CADM2: variants seen among roughly 807,000 people sequenced by gnomAD.
CADM2 encodes the protein cell adhesion molecule 2, also known as immunoglobulin superfamily member 4D.
Under a neutral mutation model 49.8 loss-of-function variants are expected in CADM2, and 12 were observed. The ratio of observed to expected loss-of-function variants is 0.24; its 90% CI spans 0.15 to 0.39. The LOEUF (loss-of-function observed/expected upper bound fraction) is 0.39. Among genes scored for constraint, CADM2 ranks in the 10% least tolerant of loss-of-function variants. The probability of loss-of-function intolerance (pLI) is 1.00; values close to 1 mark genes in which losing one functional copy is unlikely to be tolerated. For missense variants in CADM2, 378 were observed against 492.3 expected (o/e 0.77, Z 2.20); for synonymous variants, 214 against 175.4 (o/e 1.22, Z -1.74).
intron 3 of CADM2, among the ~76,000 whole-genome samples, chr3:85,846,855 C>T (rs1194629107): frequency 1.3e-5 from 2 of 152,076 alleles, no homozygotes; most frequent in African/African-American, 2.4e-5. Context: ...GAGTAAGATA[C>T]CATGTCTAAA....
At chr3:86,033,679 A>G (rs918974426) in intron 8 of CADM2, among the ~76,000 whole-genome samples, 2 of 146,248 alleles carry the variant, frequency 1.4e-5, no homozygotes, top group South Asian at 4.2e-4. Context: ...ATGTATATAT[A>G]TATATATGAG....
intron 1 of CADM2, among the ~76,000 whole-genome samples, chr3:85,045,682 A>T (rs878927617): frequency 6.6e-6 from 1 of 152,104 alleles, no homozygotes. Flanking sequence ...AATCAAATAA[A>T]GGTGGGAAAC....
chr3:85,872,726 A>G (rs955612159), intron 3 of CADM2, among the ~76,000 whole-genome samples: 7 of 149,430 alleles, frequency 4.7e-5, no homozygotes, highest in Non-Finnish European at 1.0e-4. Context: ...TTTATACATT[A>G]TATATATATA....
intron 6 of CADM2, among the ~76,000 whole-genome samples, chr3:85,927,627 A>G (rs1038786329): frequency 3.3e-5 from 5 of 152,202 alleles, no homozygotes; most frequent in Admixed American, 2.0e-4. Context: ...AGACTGTAAT[A>G]TAAGCAATGC....
At chr3:85,074,249 A>G (rs1185923607) in intron 1 of CADM2, among the ~76,000 whole-genome samples, 2 of 151,914 alleles carry the variant, frequency 1.3e-5, no homozygotes, top group Non-Finnish European at 2.9e-5. Context: ...TTTGCCTACG[A>G]TGCTATTCGT....
At chr3:85,897,086 G>C (rs1437734246) in intron 5 of CADM2, among the ~76,000 whole-genome samples, 1 of 151,910 alleles carries the variant, frequency 6.6e-6, no homozygotes, top group Non-Finnish European at 1.5e-5. Flanking sequence ...AAAGGAAGGG[G>C]CTTCCTAAAG....
At position 85,936,090 on chromosome 3, in the gene CADM2, A is replaced by G. The variant is rs183144940; in HGVS notation, c.791+233A>G. Among the ~76,000 whole-genome samples, 3 of 150,986 alleles carry G rather than the reference A, an allele frequency of 2.0e-5. No individual in the cohort carries two copies. The East Asian group carries it at 5.8e-4, about 29-fold the overall frequency. Reference sequence around the variant, plus strand: ...ATTTCCAGCTGTTATTTCTTTTTGTATTTTTTCCAGTAAGATATTTTAACC... The same window carrying G: ...ATTTCCAGCTGTTATTTCTTTTTGTGTTTTTTCCAGTAAGATATTTTAACC... On this transcript the variant is annotated intron_variant, in intron 7 of 9. Transcript: ENST00000383699.
intron 1 of CADM2, among the ~76,000 whole-genome samples, chr3:85,428,550 T>A (rs1365181539): frequency 6.9e-6 from 1 of 145,574 alleles, no homozygotes; most frequent in African/African-American, 2.5e-5. Context: ...AAATAAATAA[T>A]ATATATGATA....
At chr3:85,457,842 T>C (rs763184110) in intron 1 of CADM2, among the ~76,000 whole-genome samples, 2 of 152,186 alleles carry the variant, frequency 1.3e-5, no homozygotes, top group Non-Finnish European at 2.9e-5. Flanking sequence ...TTAATTGATT[T>C]TGGACACTTT....
intron 1 of CADM2, among the ~76,000 whole-genome samples, chr3:85,478,694 T>C (rs1047077000): frequency 3.9e-5 from 6 of 151,998 alleles, no homozygotes; most frequent in African/African-American, 7.2e-5. Context: ...ATTTTCTTAA[T>C]GCCTTGAAAT....
chr3:84,966,651 G>A (rs892254645), intron 1 of CADM2, among the ~76,000 whole-genome samples: 1 of 151,980 alleles, frequency 6.6e-6, no homozygotes, highest in Non-Finnish European at 1.5e-5. Context: ...TAGATACAGA[G>A]CTAAGTTAGT....
intron 1 of CADM2, among the ~76,000 whole-genome samples, chr3:85,620,927 CTTG>C (rs1430538514): frequency 7.9e-5 from 12 of 152,006 alleles, no homozygotes; most frequent in Non-Finnish European, 2.9e-5. Flanking sequence ...GGAATTAGTT[CTTG>C]TTGTTAAAAA....
At chr3:85,011,172 T>C (rs2033977029) in intron 1 of CADM2, among the ~76,000 whole-genome samples, 1 of 151,022 alleles carries the variant, frequency 6.6e-6, no homozygotes, top group Non-Finnish European at 1.5e-5. Context: ...GCTGTTTATG[T>C]CTTTTTTTTG....
chr3:85,794,067 T>C (rs2071488111), intron 2 of CADM2, among the ~76,000 whole-genome samples: 1 of 152,332 alleles, frequency 6.6e-6, no homozygotes, highest in African/African-American at 2.4e-5. Flanking sequence ...AATAGTCAGA[T>C]ATATCTGTTC....
intron 1 of CADM2, among the ~76,000 whole-genome samples, chr3:85,124,269 T>C (rs924919032): frequency 6.6e-6 from 1 of 152,226 alleles, no homozygotes; most frequent in African/African-American, 2.4e-5. Flanking sequence ...AGATATTCCT[T>C]GACTTGAAGC....
At chr3:85,344,380 AAAATAAAT>A (rs74850280) in intron 1 of CADM2, among the ~76,000 whole-genome samples, 7,662 of 140,288 alleles carry the variant, frequency 0.055, 484 homozygotes, top group African/African-American at 0.13. Context: ...ACACCATCTC[AAAATAAAT>A]AAATAAATAA....
intron 2 of CADM2, among the ~76,000 whole-genome samples, chr3:85,739,875 A>C (rs968711121): frequency 6.6e-6 from 1 of 152,172 alleles, no homozygotes; most frequent in Non-Finnish European, 1.5e-5. Flanking sequence ...AAAGCTTGTG[A>C]TAGTGATGCC....
intron 3 of CADM2, among the ~76,000 whole-genome samples, chr3:85,867,012 TAGTC>T (rs2075747844): frequency 6.6e-6 from 1 of 152,108 alleles, no homozygotes; most frequent in Non-Finnish European, 1.5e-5. Context: ...ATGAAAAAAG[TAGTC>T]ATTTCTAAGA....
At chr3:86,065,150 G>A (rs1279541227) in intron 8 of CADM2, among the ~76,000 whole-genome samples, 1 of 152,114 alleles carries the variant, frequency 6.6e-6, no homozygotes, top group Admixed American at 6.5e-5. Flanking sequence ...GGGTGAATTA[G>A]TCAATTTCCA....
Sources: gnomAD v4.1 joint callset for allele counts (sites outside exome capture counted in the v4.1 genomes callset) on GRCh38, gnomAD v4.1.1 for gene constraint, MANE v1.5 for transcripts, NCBI Gene and HGNC (gene_info 2026-07-23, HGNC 2026-07-21) for gene names.